PRLR: variants seen among roughly 807,000 people sequenced by gnomAD.
The protein encoded by PRLR is hPRL receptor.
PRLR carries 13 observed loss-of-function variants against 40.2 expected under a neutral mutation model. The ratio of observed to expected loss-of-function variants is 0.32; its 90% CI spans 0.21 to 0.51. The LOEUF (loss-of-function observed/expected upper bound fraction) is 0.51, where lower values mean the gene tolerates loss of function less well. Among genes scored for constraint, PRLR ranks in the 20% least tolerant of loss-of-function variants. PRLR has a pLI of 0.97. For missense variants in PRLR, 656 were observed against 747.3 expected, an observed-to-expected ratio of 0.88 and a Z score of 1.42; for synonymous variants, 269 against 278.7, an observed-to-expected ratio of 0.97 and a Z score of 0.35.
intron 5 of PRLR, among the ~76,000 whole-genome samples, chr5:35,079,560 A>T (rs1770358743): frequency 1.3e-5 from 2 of 152,252 alleles, no homozygotes; most frequent in African/African-American, 2.4e-5. Flanking sequence ...ATAAAAGAGG[A>T]TACACAGAAA....
intron 2 of PRLR, among the ~76,000 whole-genome samples, chr5:35,105,514 G>T (rs1189436387): frequency 6.6e-6 from 1 of 152,142 alleles, no homozygotes; most frequent in African/African-American, 2.4e-5. Flanking sequence ...AGAATAAACA[G>T]TGTATAGAGA....
intron 2 of PRLR, among the ~76,000 whole-genome samples, chr5:35,097,999 T>C (rs767017163): frequency 6.6e-6 from 1 of 152,124 alleles, no homozygotes; most frequent in African/African-American, 2.4e-5. Context: ...GATAGAGGCA[T>C]TGGGGGTGTG....
chr5:35,198,287 C>T (rs956093154), intron 1 of PRLR, among the ~76,000 whole-genome samples: 4 of 152,218 alleles, frequency 2.6e-5, no homozygotes, highest in East Asian at 3.9e-4. Context: ...AGCAGAGTAT[C>T]GCTTAGCAAA....
At chr5:35,050,455 G>T (rs1333575320) in intron 8 of PRLR, among the ~76,000 whole-genome samples, 2 of 152,146 alleles carry the variant, frequency 1.3e-5, no homozygotes, top group Non-Finnish European at 2.9e-5. Context: ...AGCAGATCAG[G>T]TATAATATTC....
intron 1 of PRLR, among the ~76,000 whole-genome samples, chr5:35,185,229 A>G: frequency 6.6e-6 from 1 of 152,210 alleles, no homozygotes; most frequent in Non-Finnish European, 1.5e-5. Context: ...AGAATGTGTT[A>G]ATTTCATAGT....
intron 1 of PRLR, among the ~76,000 whole-genome samples, chr5:35,126,981 C>T (rs1156320333): frequency 6.6e-6 from 1 of 152,190 alleles, no homozygotes; most frequent in East Asian, 1.9e-4. Context: ...TCGGCCTCTA[C>T]TCCTCATGTA....
chr5:35,150,749 G>A (rs1300300004), intron 1 of PRLR, among the ~76,000 whole-genome samples: 1 of 151,958 alleles, frequency 6.6e-6, no homozygotes, highest in Admixed American at 6.5e-5. Flanking sequence ...TAGGAGGTAA[G>A]AATAGGAAAA....
At chr5:35,066,275 T>A (rs1769366972) in intron 9 of PRLR, among the ~76,000 whole-genome samples, 173 bp from the exon 10 acceptor site, 1 of 152,146 alleles carries the variant, frequency 6.6e-6, no homozygotes, top group Admixed American at 6.5e-5. Context: ...TCAGCAGATT[T>A]TTTTTTTTAA....
intron 1 of PRLR, among the ~76,000 whole-genome samples, chr5:35,174,343 G>T (rs1263053923): frequency 1.3e-5 from 2 of 152,144 alleles, no homozygotes; most frequent in African/African-American, 4.8e-5. Flanking sequence ...ACCCGCCTCG[G>T]CCTCCCAAAG....
chr5:35,113,719 T>C (rs1486832632), intron 2 of PRLR, among the ~76,000 whole-genome samples: 2 of 152,378 alleles, frequency 1.3e-5, no homozygotes, highest in East Asian at 1.9e-4. Context: ...ATGTAAATGA[T>C]GCAAGTGCTA....
At chr5:35,050,387 CAG>C (rs1254845981) in intron 8 of PRLR, among the ~76,000 whole-genome samples, 4 of 152,152 alleles carry the variant, frequency 2.6e-5, no homozygotes, top group Non-Finnish European at 5.9e-5. Context: ...TCCAATTAAA[CAG>C]ATATTATTTC....
chr5:35,207,182 C>T (rs865837229), intron 1 of PRLR, among the ~76,000 whole-genome samples: 20 of 152,138 alleles, frequency 1.3e-4, no homozygotes, highest in Admixed American at 7.2e-4. Flanking sequence ...ACGATCAATG[C>T]TGTAAGACAC....
intron 1 of PRLR, among the ~76,000 whole-genome samples, chr5:35,188,069 A>C (rs889101641): frequency 6.6e-6 from 1 of 152,182 alleles, no homozygotes; most frequent in African/African-American, 2.4e-5. Flanking sequence ...TTTGTCAGGC[A>C]GGTGCTGTCT....
chr5:35,118,364 T>C (rs988950051), intron 1 of PRLR, among the ~76,000 whole-genome samples: 2 of 151,922 alleles, frequency 1.3e-5, no homozygotes, highest in Non-Finnish European at 2.9e-5. Context: ...CCCACATACC[T>C]CAATTGTTAC....
chr5:35,072,072 A>G (rs1394085174), intron 6 of PRLR, among the ~76,000 whole-genome samples: 1 of 151,018 alleles, frequency 6.6e-6, no homozygotes, highest in African/African-American at 2.4e-5. Context: ...ATTTTTTTGT[A>G]CTTTTAGTAG....
chr5:35,161,250 A>G (rs1208059669), intron 1 of PRLR, among the ~76,000 whole-genome samples: 1 of 152,184 alleles, frequency 6.6e-6, no homozygotes, highest in African/African-American at 2.4e-5. Flanking sequence ...GCAACCCTAG[A>G]AAGTGATTTA....
chr5:35,230,366 G>C lies in PRLR; in HGVS notation c.-204C>G, dbSNP rs1234771343. 6.6e-6 allele frequency: 1 copy of C among 152,280 alleles called. No homozygotes were observed. Among genetic ancestry groups the C allele is most frequent in the Non-Finnish European group, 1.5e-5 (1 of 68,078 alleles). The allele number at this position is 152,280 out of a possible 1,614,324, so 9.4% of individuals were successfully genotyped here. A position where few individuals can be genotyped will look rare whatever the true frequency, so the allele number is the denominator to read the frequency against. ...TGGAAAGCTGTTTCGCGAACGGTCG[G>C]TAAAATCCAGAAAGAGGGAGAAGGA... On this transcript the variant is annotated 5_prime_UTR_variant, in exon 1 of 10. Coordinates refer to ENST00000618457, the MANE Select transcript of PRLR (RefSeq NM_000949.7).
chr5:35,174,252 G>C (rs993996471), intron 1 of PRLR, among the ~76,000 whole-genome samples: 1 of 152,160 alleles, frequency 6.6e-6, no homozygotes, highest in Non-Finnish European at 1.5e-5. Flanking sequence ...GCCACGCCCG[G>C]CTAATTTTTT....
rs115722919 is a variant in PRLR, at chr5:35,115,104, G to T, written c.-44+2957C>A. Among the ~76,000 whole-genome samples, 1,098 of 152,232 alleles carry T rather than the reference G, an allele frequency of 7.2e-3. 13 individuals carry two copies. The highest frequency in any genetic ancestry group is 0.026 in the African/African-American group (1,067 of 41,530). The stretch of plus-strand genomic sequence containing the variant: ...TGGTAGCCACAAGCCACATGAGGCT[G>T]GCAAACATTTGAAATGTACTCAATG... On this transcript the variant is annotated intron_variant, in intron 2 of 9. Transcript: ENST00000618457.
Sources: gnomAD v4.1 joint callset for allele counts (sites outside exome capture counted in the v4.1 genomes callset) on GRCh38, gnomAD v4.1.1 for gene constraint, MANE v1.5 for transcripts, NCBI Gene and HGNC (gene_info 2026-07-23, HGNC 2026-07-21) for gene names.